MSI2: variants seen among roughly 807,000 people sequenced by gnomAD.
MSI2 encodes musashi RNA binding protein 2, also known as RNA-binding protein Musashi homolog 2.
Under a neutral mutation model 45.6 loss-of-function variants are expected in MSI2, and 17 were observed. The observed-to-expected ratio is 0.37, with a 90% CI of 0.26 to 0.56. MSI2 has a LOEUF of 0.56. Ranked by LOEUF, MSI2 falls within the 20% of genes least tolerant of loss-of-function variation. MSI2 has a pLI of 0.77. For synonymous variants in MSI2, 156 were observed against 158.2 expected (o/e 0.99, Z 0.11); for missense variants, 293 against 444.2 (o/e 0.66, Z 3.06).
At chr17:57,572,931 G>C (rs2087916877) in intron 7 of MSI2, among the ~76,000 whole-genome samples, 1 of 152,254 alleles carries the variant, frequency 6.6e-6, no homozygotes, top group South Asian at 2.1e-4. Flanking sequence ...CCAATGCAAA[G>C]GTAACAGGAT....
At chr17:57,616,637 A>C (rs1322655359) in intron 9 of MSI2, 2 of 152,154 alleles carry the variant, frequency 1.3e-5, no homozygotes, top group Non-Finnish European at 2.9e-5. Context: ...TTTGCCAAAA[A>C]AAAAAAAAAG....
At chr17:57,669,199 A>G (rs1454655824) in intron 11 of MSI2, among the ~76,000 whole-genome samples, 3 of 152,226 alleles carry the variant, frequency 2.0e-5, no homozygotes, top group Admixed American at 6.5e-5. Context: ...CACTGCTTTC[A>G]GAGGACACAT....
At chr17:57,399,777 C>T (rs9904197) in intron 5 of MSI2, among the ~76,000 whole-genome samples, 22,588 of 152,182 alleles carry the variant, frequency 0.15, 2,008 homozygotes, top group African/African-American at 0.23. Flanking sequence ...CCCAGCATCT[C>T]GTGCTGCAGA....
chr17:57,561,278 G>A (rs1360215408), intron 7 of MSI2, among the ~76,000 whole-genome samples: 1 of 152,094 alleles, frequency 6.6e-6, no homozygotes. Context: ...GGGAACATTT[G>A]ATATTTTTGC....
rs768088601 is a variant in MSI2 at position 57,635,217 on chromosome 17, TG to T, written c.727+7916del. Among the ~76,000 whole-genome samples, 157 of 151,162 alleles carry T rather than the reference TG, an allele frequency of 1.0e-3. 1 individual carries two copies. Among genetic ancestry groups the T allele is most frequent in the Admixed American group, 2.6e-3 (39 of 15,252 alleles). ...GAGGAGATCTACAAGGCTGGAGCCA[TG>T]GTGGCCTCCTGAGTCAAGTTTAGGA... On this transcript the variant is annotated intron_variant, in intron 10 of 13. Transcript: ENST00000284073.
chr17:57,664,563 G>C (rs555357239), intron 11 of MSI2, among the ~76,000 whole-genome samples: 2 of 152,116 alleles, frequency 1.3e-5, no homozygotes, highest in African/African-American at 4.8e-5. Context: ...GAAGTGAGTG[G>C]AGAGAAAGCC....
Position 57,612,150 on chromosome 17 carries a change from C to T in MSI2, c.538-3820C>T, listed in dbSNP as rs1476674857. Among the ~76,000 whole-genome samples the T allele has an allele frequency of 6.3e-5, 6 of 95,358 alleles. 2 individuals carry two copies. Among genetic ancestry groups the T allele is most frequent in the Non-Finnish European group, 1.0e-4 (4 of 39,752 alleles). The allele number at this position is 95,358 out of a possible 152,430, so 62.6% of individuals were successfully genotyped here. A position where few individuals can be genotyped will look rare whatever the true frequency, so the allele number is the denominator to read the frequency against. Reference sequence around the variant, plus strand: ...TGACCCGATGTGGGCTAACTCAAGACGCTCGAGAGGCTAACAAGTGCAGAA... The same window carrying T: ...TGACCCGATGTGGGCTAACTCAAGATGCTCGAGAGGCTAACAAGTGCAGAA... On this transcript the variant is annotated intron_variant, in intron 8 of 13. Coordinates refer to ENST00000284073, the MANE Select transcript of MSI2 (RefSeq NM_138962.4).
chr17:57,266,092 T>G (rs1320774001), intron 5 of MSI2: 6 of 152,230 alleles, frequency 3.9e-5, no homozygotes, highest in Non-Finnish European at 7.3e-5. Flanking sequence ...TCCTTAACTT[T>G]TAGAGGCCAG....
At chr17:57,530,917 C>T (rs1262694999) in intron 7 of MSI2, among the ~76,000 whole-genome samples, 1 of 148,786 alleles carries the variant, frequency 6.7e-6, no homozygotes, top group Non-Finnish European at 1.5e-5. Flanking sequence ...GAGAATGGAG[C>T]ATTGGGTGCA....
chr17:57,263,921 G>A (rs1907538997), intron 5 of MSI2: 1 of 152,142 alleles, frequency 6.6e-6, no homozygotes. Context: ...ACCTTACTGT[G>A]TATGACATAC....
chr17:57,597,983 G>A (rs1344321864), intron 8 of MSI2, among the ~76,000 whole-genome samples: 1 of 152,180 alleles, frequency 6.6e-6, no homozygotes, highest in Non-Finnish European at 1.5e-5. Context: ...GGGAAGTCGT[G>A]TAGGCCTCCC....
intron 10 of MSI2, among the ~76,000 whole-genome samples, chr17:57,641,976 G>A (rs555727549): frequency 6.6e-6 from 1 of 152,354 alleles, no homozygotes; most frequent in South Asian, 2.1e-4. Context: ...CTGGGGGCCA[G>A]CGTCGGAGCC....
chr17:57,401,595 C>A, intron 6 of MSI2, 124 bp downstream of exon 6: 2 of 704,036 alleles, frequency 2.8e-6, no homozygotes, highest in Middle Eastern at 2.8e-4. Flanking sequence ...TTGAACCTGG[C>A]CATCATGATT....
chr17:57,262,306 C>T (rs1044651619), intron 5 of MSI2, 114 bp downstream of exon 5: 61 of 1,171,638 alleles, frequency 5.2e-5, no homozygotes, highest in Admixed American at 5.4e-5. Context: ...ACTGTTCCTT[C>T]GGGGTATCAG....
chr17:57,416,885 A>G (rs527791092), intron 6 of MSI2, among the ~76,000 whole-genome samples: 23 of 152,276 alleles, frequency 1.5e-4, no homozygotes, highest in African/African-American at 5.3e-4. Flanking sequence ...TGCTTGTCCA[A>G]CCATCCTTGC....
the MSI2 span, among the ~76,000 whole-genome samples, chr17:57,691,295 G>C: frequency 6.6e-6 from 1 of 151,572 alleles, no homozygotes; most frequent in Non-Finnish European, 1.5e-5. Flanking sequence ...ATTGCGATCA[G>C]GTAGAGTGAA....
chr17:57,384,741 C>T lies in MSI2; in HGVS notation c.313-16638C>T, dbSNP rs138208077. Among the ~76,000 whole-genome samples, 63 of 152,288 alleles carry T rather than the reference C, an allele frequency of 4.1e-4. No individual in the cohort carries two copies. In the East Asian group the frequency reaches 0.012, roughly 28 times the overall value. On this transcript the variant is annotated intron_variant, in intron 5 of 13. Coordinates refer to ENST00000284073, the MANE Select transcript of MSI2 (RefSeq NM_138962.4). ...TCTTGTCCTTGCTTTTACTCTACCCCATCATCACATCCACTCCCATGATTT... is the reference window on the plus strand; with the variant it reads ...TCTTGTCCTTGCTTTTACTCTACCCTATCATCACATCCACTCCCATGATTT...
In MSI2 at chr17:57,683,689, T is replaced by C. The variant is rs1360148176; in HGVS notation, c.*4172T>C. ...GGGGAGGGGAGATTTTTTTTTTTTT[T>C]TCTTGAATGTGCTTCGCAAGCCAGG... On this transcript the variant is annotated 3_prime_UTR_variant, in exon 14 of 14. Coordinates refer to ENST00000284073, the MANE Select transcript of MSI2 (RefSeq NM_138962.4). This position sits in a 1 kb window ranked among gnomAD's most constrained non-coding sequence, Gnocchi z 5.2. 4.4e-6 allele frequency: 1 copy of C among 229,748 alleles called. No individual in the cohort carries two copies. The highest frequency in any genetic ancestry group is 2.2e-5 in the African/African-American group (1 of 44,986). 14.2% of individuals were successfully genotyped at this position (229,748 alleles called of 1,614,324 possible). A position where few individuals can be genotyped will look rare whatever the true frequency, so the allele number is the denominator to read the frequency against.
At chr17:57,578,857 T>C (rs1410489392) in intron 7 of MSI2, among the ~76,000 whole-genome samples, 1 of 152,082 alleles carries the variant, frequency 6.6e-6, no homozygotes, top group Non-Finnish European at 1.5e-5. Flanking sequence ...TTTTTCTTTT[T>C]CCCCCTCCTC....
Sources: allele counts gnomAD v4.1 joint callset (sites outside exome capture counted in the v4.1 genomes callset), GRCh38; gene constraint gnomAD v4.1.1; non-coding constraint Gnocchi (gnomAD v3.1); transcripts MANE v1.5; gene names NCBI Gene and HGNC (gene_info 2026-07-23, HGNC 2026-07-21).